Variants in CCDC33 observed in about 807,000 individuals in gnomAD.
CCDC33 encodes coiled-coil domain containing 33, also known as coiled-coil domain-containing protein 33.
Under a neutral mutation model 91.9 loss-of-function variants are expected in CCDC33, and 94 were observed. That is an observed-to-expected ratio of 1.02 (90% CI 0.87 to 1.21). CCDC33 has a LOEUF of 1.21. Among genes scored for constraint, CCDC33 ranks in the 50% most tolerant of loss-of-function variants. The probability of loss-of-function intolerance (pLI) is 0.00; values close to 1 mark genes in which losing one functional copy is unlikely to be tolerated. For synonymous variants in CCDC33, 396 were observed against 374.5 expected (o/e 1.06, Z -0.66); for missense variants, 940 against 935.5 (o/e 1.00, Z -0.06).
intron 18 of CCDC33, 99 bp downstream of exon 18, chr15:74,335,187 GA>G: frequency 2.1e-6 from 2 of 941,036 alleles, no homozygotes; most frequent in Non-Finnish European, 3.5e-6. Flanking sequence ...AGCCATTGTG[GA>G]GCCAACTCCA....
At chr15:74,289,213 C>T (rs1020491352) in intron 10 of CCDC33, among the ~76,000 whole-genome samples, 12 of 152,168 alleles carry the variant, frequency 7.9e-5, no homozygotes, top group African/African-American at 2.7e-4. Flanking sequence ...CATTTGGTCT[C>T]GCTGCAATTT....
chr15:74,308,299 A>C (rs1346672206), intron 11 of CCDC33, among the ~76,000 whole-genome samples: 1 of 150,686 alleles, frequency 6.6e-6, no homozygotes, highest in Non-Finnish European at 1.5e-5. Context: ...TTTCAGTACA[A>C]TCCAATTTCT....
At chr15:74,222,250 G>A (rs1332934403) in intron 2 of CCDC33, among the ~76,000 whole-genome samples, 1 of 152,174 alleles carries the variant, frequency 6.6e-6, no homozygotes, top group Non-Finnish European at 1.5e-5. Context: ...CTGTTCAAGA[G>A]GGAAACTGGA....
intron 1 of CCDC33, chr15:74,209,010 G>A: frequency 9.4e-7 from 1 of 1,068,986 alleles, no homozygotes; most frequent in East Asian, 8.6e-5. Flanking sequence ...CCCAGCACCT[G>A]CTTTAAAAGG....
rs190571924 is a variant in CCDC33 at position 74,218,513 on chromosome 15, C to A, written c.327C>A (p.Asp109Glu). 1 of 1,285,660 alleles carries A rather than the reference C, an allele frequency of 7.8e-7. No homozygotes were observed. The highest frequency in any genetic ancestry group is 5.6e-5 in the East Asian group (1 of 17,954). 79.6% of individuals were successfully genotyped at this position (1,285,660 alleles called of 1,614,324 possible). Residue 109 changes from aspartate to glutamate, a missense_variant, in exon 2 of 3, where the codon GAC becomes GAA. Asp to Glu is a conservative substitution (Grantham distance 45). Coordinates refer to the CCDC33 transcript ENST00000635913. This position sits in a 1 kb window ranked among gnomAD's most constrained non-coding sequence, Gnocchi z 4.8. ...CTCATCCAGGTTTCTGCAAGAATGA[C>A]GGGCAGCATGATGCTCAGCTGCATG...
upstream of CCDC33, among the ~76,000 whole-genome samples, chr15:74,234,497 G>T (rs997962239): frequency 2.0e-5 from 3 of 152,152 alleles, no homozygotes; most frequent in Non-Finnish European, 4.4e-5. Context: ...AGCAGCTCTC[G>T]GGGGAGGTTA....
intron 10 of CCDC33, among the ~76,000 whole-genome samples, chr15:74,283,935 A>G (rs1361519829): frequency 1.3e-5 from 2 of 152,182 alleles, no homozygotes; most frequent in Non-Finnish European, 2.9e-5. Flanking sequence ...ACATATGTAC[A>G]CGCTCTCACA....
chr15:74,319,843 G>C (rs1412518096), intron 11 of CCDC33, among the ~76,000 whole-genome samples: 2 of 152,152 alleles, frequency 1.3e-5, no homozygotes, highest in Non-Finnish European at 2.9e-5. Context: ...TGCCGGCCAA[G>C]GCCCTGCCAC....
chr15:74,229,541 A>G (rs2142189804), intron 2 of CCDC33, among the ~76,000 whole-genome samples: 1 of 152,348 alleles, frequency 6.6e-6, no homozygotes, highest in East Asian at 1.9e-4. Context: ...AGTAGCACCT[A>G]CCTCATATGT....
At chr15:74,245,295 C>A (rs2075486409) in intron 2 of CCDC33, among the ~76,000 whole-genome samples, 1 of 152,176 alleles carries the variant, frequency 6.6e-6, no homozygotes, top group Non-Finnish European at 1.5e-5. Context: ...CCCCCCAGGG[C>A]CCCCACTGTG....
intron 2 of CCDC33, among the ~76,000 whole-genome samples, chr15:74,258,767 G>A (rs145922089): frequency 5.8e-4 from 88 of 152,268 alleles, no homozygotes; most frequent in Middle Eastern, 3.4e-3. Context: ...CTTTTCCGAT[G>A]CTCATTTCTT....
intron 11 of CCDC33, among the ~76,000 whole-genome samples, chr15:74,308,350 G>GACACAC (rs1220945672): frequency 1.3e-4 from 19 of 146,560 alleles, no homozygotes; most frequent in Admixed American, 2.0e-4. Flanking sequence ...CATGTGTGCA[G>GACACAC]ACAGACAGAC....
At chr15:74,271,032 C>T (rs1048107896) in intron 5 of CCDC33, among the ~76,000 whole-genome samples, 1 of 152,052 alleles carries the variant, frequency 6.6e-6, no homozygotes, top group Admixed American at 6.5e-5. Flanking sequence ...CCCAGAGATG[C>T]GGATGCTATG....
chr15:74,242,233 A>G (rs1027333772), intron 1 of CCDC33, among the ~76,000 whole-genome samples: 3 of 152,322 alleles, frequency 2.0e-5, no homozygotes, highest in Admixed American at 2.0e-4. Flanking sequence ...ACTGACTCTC[A>G]GAACATGGCT....
chr15:74,319,596 G>A (rs566364882), intron 11 of CCDC33: 12 of 152,612 alleles, frequency 7.9e-5, no homozygotes, highest in African/African-American at 2.9e-4. Flanking sequence ...AAGGAGTCAT[G>A]ACTGATGGCC....
At chr15:74,216,346 A>T (rs978151644), upstream of CCDC33, among the ~76,000 whole-genome samples, 1 of 151,408 alleles carries the variant, frequency 6.6e-6, no homozygotes, top group Non-Finnish European at 1.5e-5. Context: ...TATCTGCCCC[A>T]CTACCCCAAT....
At chr15:74,334,749 T>TC (rs2060527655) in intron 17 of CCDC33, among the ~76,000 whole-genome samples, 2 of 152,148 alleles carry the variant, frequency 1.3e-5, no homozygotes, top group Admixed American at 1.3e-4. Context: ...GGATCAGAGC[T>TC]CAGTATGTTG....
In CCDC33 at chr15:74,221,225, T is replaced by TG. The variant is rs1197069037; in HGVS notation, c.675+2364_675+2365insG. 1.0e-4 allele frequency: 99 copies of TG among 971,418 alleles called. 1 individual carries two copies. In the South Asian group the frequency reaches 4.3e-3, roughly 42 times the overall value. The allele number at this position is 971,418 out of a possible 1,614,324, so 60.2% of individuals were successfully genotyped here. A position where few individuals can be genotyped will look rare whatever the true frequency, so the allele number is the denominator to read the frequency against. On this transcript the variant is annotated intron_variant, in intron 2 of 2. Coordinates refer to the CCDC33 transcript ENST00000635913. ...GTAGTGTGTGGCACTGGTTTTTTTT[T>TG]TTTTTTTTTTTTTTTTTTCACCAGA...
chr15:74,270,966 G>T (rs1423472840), intron 5 of CCDC33, among the ~76,000 whole-genome samples: 1 of 152,142 alleles, frequency 6.6e-6, no homozygotes, highest in Non-Finnish European at 1.5e-5. Context: ...ACTGAGGAGG[G>T]AACAACCAAG....
Sources: gnomAD v4.1 joint callset for allele counts (sites outside exome capture counted in the v4.1 genomes callset) on GRCh38, gnomAD v4.1.1 for gene constraint, Gnocchi (gnomAD v3.1) non-coding constraint, MANE v1.5 for transcripts, NCBI Gene and HGNC (gene_info 2026-07-23, HGNC 2026-07-21) for gene names.